FGF14: variants seen among roughly 807,000 people sequenced by gnomAD.
The protein encoded by FGF14 is fibroblast growth factor 14.
In FGF14, 5 loss-of-function variants were observed where a neutral mutation model predicts 25.5. The observed-to-expected ratio is 0.20, with a 90% CI of 0.10 to 0.41. The LOEUF is 0.41. Among genes scored for constraint, FGF14 ranks in the 10% least tolerant of loss-of-function variants. The pLI, the probability that FGF14 is intolerant of heterozygous loss-of-function variation, is 1.00. For missense variants in FGF14, 222 were observed against 320.1 expected (o/e 0.69, Z 2.34); for synonymous variants, 138 against 118.3 (o/e 1.17, Z -1.08).
chr13:102,333,148 T>A (rs1294342704), intron 1 of FGF14, among the ~76,000 whole-genome samples: 2 of 152,212 alleles, frequency 1.3e-5, no homozygotes, highest in Non-Finnish European at 2.9e-5. Context: ...ACGGGCCATA[T>A]GAAACTTCCA....
chr13:101,827,403 T>C (rs562128542), intron 3 of FGF14, among the ~76,000 whole-genome samples: 1 of 152,138 alleles, frequency 6.6e-6, no homozygotes, highest in South Asian at 2.1e-4. Flanking sequence ...GTTCCAGTTG[T>C]TTGGTATTCC....
At chr13:102,007,437 G>A (rs1226018871) in intron 1 of FGF14, among the ~76,000 whole-genome samples, 1 of 152,188 alleles carries the variant, frequency 6.6e-6, no homozygotes, top group African/African-American at 2.4e-5. Flanking sequence ...TTGTATAGAT[G>A]TGGGAAATAG....
At chr13:101,782,859 G>A (rs2039591328) in intron 3 of FGF14, among the ~76,000 whole-genome samples, 1 of 152,158 alleles carries the variant, frequency 6.6e-6, no homozygotes, top group Admixed American at 6.6e-5. Flanking sequence ...ACACTTGCAT[G>A]TGTCTTTATA....
At chr13:102,052,489 G>A (rs923274414) in intron 1 of FGF14, among the ~76,000 whole-genome samples, 1 of 144,150 alleles carries the variant, frequency 6.9e-6, no homozygotes, top group Non-Finnish European at 1.6e-5. Flanking sequence ...TTGAAAAATT[G>A]TAACCAATTT....
chr13:102,063,046 T>A (rs1199437925), intron 1 of FGF14, among the ~76,000 whole-genome samples: 1 of 152,194 alleles, frequency 6.6e-6, no homozygotes, highest in Non-Finnish European at 1.5e-5. Flanking sequence ...AATTTCTGAA[T>A]CTATAATAAA....
At chr13:101,776,950 G>T (rs146205878) in intron 3 of FGF14, among the ~76,000 whole-genome samples, 1 of 152,202 alleles carries the variant, frequency 6.6e-6, no homozygotes, top group African/African-American at 2.4e-5. Flanking sequence ...TGTCTCTCAG[G>T]CCTTTTTTAA....
chr13:101,767,812 GA>G (rs2038502656), intron 3 of FGF14, among the ~76,000 whole-genome samples: 1 of 151,720 alleles, frequency 6.6e-6, no homozygotes, highest in African/African-American at 2.4e-5. Flanking sequence ...TACACAGAAG[GA>G]AAAAAATGGT....
intron 3 of FGF14, among the ~76,000 whole-genome samples, chr13:101,859,518 C>A (rs1466204031): frequency 6.6e-6 from 1 of 152,054 alleles, no homozygotes; most frequent in Non-Finnish European, 1.5e-5. Context: ...GCTGAAAGAG[C>A]AAATAAATGA....
chr13:101,837,130 T>C (rs2042963169), intron 3 of FGF14, among the ~76,000 whole-genome samples: 1 of 151,944 alleles, frequency 6.6e-6, no homozygotes. Context: ...CTAATATTTT[T>C]ATTTTGAATT....
chr13:102,003,995 C>A (rs555172022), intron 1 of FGF14, among the ~76,000 whole-genome samples: 1 of 152,268 alleles, frequency 6.6e-6, no homozygotes, highest in South Asian at 2.1e-4. Context: ...CATACCTCCC[C>A]AGAGAGTTAT....
At chr13:101,837,473 T>C (rs766722776) in intron 3 of FGF14, among the ~76,000 whole-genome samples, 12 of 152,114 alleles carry the variant, frequency 7.9e-5, no homozygotes, top group Admixed American at 6.6e-5. Context: ...ACAATCAAGC[T>C]TGTTGCGTAA....
intron 3 of FGF14, among the ~76,000 whole-genome samples, chr13:101,791,718 T>C (rs1233236184): frequency 6.6e-6 from 1 of 152,130 alleles, no homozygotes; most frequent in African/African-American, 2.4e-5. Context: ...TTATTGTTAA[T>C]TTTAACTCTT....
intron 3 of FGF14, among the ~76,000 whole-genome samples, chr13:101,836,983 C>G (rs2042955119): frequency 6.6e-6 from 1 of 152,056 alleles, no homozygotes. Context: ...ATTAGACTTT[C>G]TTTTAGCATC....
At chr13:101,978,737 G>A (rs185219319) in intron 1 of FGF14, among the ~76,000 whole-genome samples, 31 of 152,252 alleles carry the variant, frequency 2.0e-4, no homozygotes, top group African/African-American at 7.5e-4. Context: ...TAGCTCCACT[G>A]AAATGAATGA....
chr13:101,724,881 G>A (rs113744134), intron 4 of FGF14, among the ~76,000 whole-genome samples: 2 of 150,884 alleles, frequency 1.3e-5, no homozygotes, highest in Non-Finnish European at 3.0e-5. Flanking sequence ...ATATATATAT[G>A]TATATATACA....
chr13:102,029,635 G>T (rs554750770), intron 1 of FGF14, among the ~76,000 whole-genome samples: 84 of 152,172 alleles, frequency 5.5e-4, no homozygotes, highest in African/African-American at 1.9e-3. Flanking sequence ...AGAAGCTACA[G>T]AAAAATTTGA....
At chr13:102,093,811 T>C (rs1193650169) in intron 1 of FGF14, among the ~76,000 whole-genome samples, 1 of 63,334 alleles carries the variant, frequency 1.6e-5, no homozygotes, top group Admixed American at 1.3e-4. Context: ...AGGATCATTG[T>C]TTAAAAAAAA....
chr13:101,813,202 T>C (rs895532043), intron 3 of FGF14, among the ~76,000 whole-genome samples: 4 of 152,002 alleles, frequency 2.6e-5, no homozygotes, highest in African/African-American at 9.7e-5. Flanking sequence ...TTTAAACGAG[T>C]GTCCTTTCCA....
intron 3 of FGF14, chr13:101,778,972 A>G (rs2039319254): frequency 6.6e-6 from 1 of 152,176 alleles, no homozygotes; most frequent in Non-Finnish European, 1.5e-5. Context: ...AAATCAGCAC[A>G]TCAGAATGCA....
Sources: allele counts gnomAD v4.1 joint callset (sites outside exome capture counted in the v4.1 genomes callset), GRCh38; gene constraint gnomAD v4.1.1; transcripts MANE v1.5; gene names NCBI Gene and HGNC (gene_info 2026-07-23, HGNC 2026-07-21).